Variants in DCLRE1C observed in about 807,000 individuals in gnomAD.
DCLRE1C encodes DNA cross-link repair 1C.
In DCLRE1C, 47 loss-of-function variants were observed where a neutral mutation model predicts 61.4. The ratio of observed to expected loss-of-function variants is 0.77; its 90% CI spans 0.61 to 0.98. DCLRE1C has a LOEUF of 0.98. Among genes scored for constraint, DCLRE1C ranks in the 50% least tolerant of loss-of-function variants. DCLRE1C has a pLI of 0.00. For synonymous variants in DCLRE1C, 337 were observed against 287.6 expected, an observed-to-expected ratio of 1.17 and a Z score of -1.74; for missense variants, 858 against 816.0, an observed-to-expected ratio of 1.05 and a Z score of -0.63.
chr10:14,899,180 G>A (rs532221182), exon 14 of DCLRE1C: 4 of 701,540 alleles, frequency 5.7e-6, no homozygotes, highest in South Asian at 4.4e-5. Context: ...CATTAGCTGG[G>A]CATGGCGGTA....
At chr10:14,930,519 G>A (rs1320111440) in intron 9 of DCLRE1C, among the ~76,000 whole-genome samples, 5 of 151,830 alleles carry the variant, frequency 3.3e-5, no homozygotes, top group African/African-American at 4.8e-5. Flanking sequence ...TGCAACCTCC[G>A]CCTCCTAGGT....
downstream of DCLRE1C, among the ~76,000 whole-genome samples, chr10:14,901,858 A>G (rs796540432): frequency 5.3e-5 from 8 of 152,182 alleles, no homozygotes; most frequent in African/African-American, 1.9e-4. Context: ...TACATTTTTG[A>G]ATTTTTACTG....
intron 9 of DCLRE1C, among the ~76,000 whole-genome samples, chr10:14,931,999 A>T (rs1839080556): frequency 6.6e-6 from 1 of 152,192 alleles, no homozygotes; most frequent in African/African-American, 2.4e-5. Context: ...GCCCCACTGC[A>T]CTCCAACCTG....
At position 14,934,781 on chromosome 10, in the gene DCLRE1C, A is replaced by T; in HGVS notation, c.465-6T>A. 6.2e-7 allele frequency: 1 copy of T among 1,608,586 alleles called. No individual in the cohort carries two copies. The highest frequency in any genetic ancestry group is 8.5e-7 in the Non-Finnish European group (1 of 1,174,952). ...CACTTTGGATGTCTTTGACTCTGAA[A>T]AGAAAAAAAATTGATGTTAGCCATC... On this transcript the variant is annotated splice_region_variant and splice_polypyrimidine_tract_variant and intron_variant, in intron 6 of 13. Coordinates refer to ENST00000378278, the MANE Select transcript of DCLRE1C (RefSeq NM_001033855.3).
intron 3 of DCLRE1C, among the ~76,000 whole-genome samples, chr10:14,944,673 C>CTTTTTTTTTTT: frequency 8.5e-6 from 1 of 117,724 alleles, no homozygotes; most frequent in Non-Finnish European, 1.8e-5. Context: ...TTTTTTTTTT[C>CTTTTTTTTTTT]TTTTTTTTTT....
intron 9 of DCLRE1C, among the ~76,000 whole-genome samples, chr10:14,930,795 T>C (rs905858927): frequency 4.6e-5 from 7 of 152,180 alleles, no homozygotes; most frequent in Non-Finnish European, 8.8e-5. Context: ...TCTGTATATG[T>C]GAATATATAT....
chr10:14,943,074 C>T (rs1322273538), intron 3 of DCLRE1C, among the ~76,000 whole-genome samples: 1 of 152,100 alleles, frequency 6.6e-6, no homozygotes, highest in Non-Finnish European at 1.5e-5. Flanking sequence ...TTGCGGTGAG[C>T]TGAGATCACG....
At chr10:14,897,413 C>A (rs779970656) in exon 14 of DCLRE1C, 1 of 1,613,400 alleles carries the variant, frequency 6.2e-7, no homozygotes, top group South Asian at 1.1e-5. Flanking sequence ...AAAAGGCACA[C>A]AGTATTCGCT....
At chr10:14,939,650 T>G (rs909030520) in intron 4 of DCLRE1C, among the ~76,000 whole-genome samples, 160 bp downstream of exon 4, 1 of 152,158 alleles carries the variant, frequency 6.6e-6, no homozygotes, top group Admixed American at 6.6e-5. Flanking sequence ...ACTCAATGAC[T>G]AGATTTTTAT....
At chr10:14,918,635 A>C (rs1836599712) in intron 13 of DCLRE1C, among the ~76,000 whole-genome samples, 1 of 152,004 alleles carries the variant, frequency 6.6e-6, no homozygotes, top group African/African-American at 2.4e-5. Flanking sequence ...TTTTTAAAAA[A>C]AAAAAAAAAG....
intron 10 of DCLRE1C, among the ~76,000 whole-genome samples, chr10:14,927,132 A>G (rs1045251904): frequency 2.7e-4 from 41 of 152,320 alleles, no homozygotes; most frequent in African/African-American, 9.4e-4. Context: ...CTATAATCCC[A>G]GCACTATGGG....
intron 9 of DCLRE1C, among the ~76,000 whole-genome samples, chr10:14,932,053 T>C (rs1348874940): frequency 1.3e-5 from 2 of 148,608 alleles, no homozygotes; most frequent in African/African-American, 5.0e-5. Context: ...AAATAATAAA[T>C]AAATCAATAA....
At chr10:14,927,237 G>A (rs1838164505) in intron 10 of DCLRE1C, among the ~76,000 whole-genome samples, 1 of 152,020 alleles carries the variant, frequency 6.6e-6, no homozygotes, top group South Asian at 2.1e-4. Flanking sequence ...CAAAAAGTTA[G>A]CTCGGCATGG....
chr10:14,952,587 T>G (rs539989956), intron 1 of DCLRE1C, among the ~76,000 whole-genome samples: 65 of 151,902 alleles, frequency 4.3e-4, no homozygotes, highest in Non-Finnish European at 7.4e-4. Flanking sequence ...CACCTCAAAA[T>G]AATAATAAAA....
chr10:14,948,770 T>TATATATATATATATATATATATATATA lies in DCLRE1C; in HGVS notation c.161+265_161+266insTATATATATATATATATATATATATAT, dbSNP rs1554800030. Among the ~76,000 whole-genome samples, 147 of 143,644 alleles carry TATATATATATATATATATATATATATA rather than the reference T, an allele frequency of 1.0e-3. 1 individual carries two copies. Among genetic ancestry groups the TATATATATATATATATATATATATATA allele is most frequent in the African/African-American group, 3.6e-3 (140 of 38,444 alleles). The allele number at this position is 143,644 out of a possible 152,430, so 94.2% of individuals were successfully genotyped here. Reference sequence around the variant, plus strand: ...TTTTTAGAGAGTGTATTTGGTAGGATTATATATATATATATATATATCAAG... The same window carrying TATATATATATATATATATATATATATA: ...TTTTTAGAGAGTGTATTTGGTAGGATATATATATATATATATATATATATATATATATATATATATATATATATCAAG... On this transcript the variant is annotated intron_variant, in intron 2 of 13. Transcript: ENST00000378278.
At chr10:14,920,638 A>C (rs1409417169) in intron 12 of DCLRE1C, among the ~76,000 whole-genome samples, 1 of 152,092 alleles carries the variant, frequency 6.6e-6, no homozygotes, top group African/African-American at 2.4e-5. Flanking sequence ...TAACTTTTCA[A>C]AGTAAGGTTG....
intron 13 of DCLRE1C, chr10:14,899,517 A>G: frequency 6.2e-7 from 1 of 1,612,900 alleles, no homozygotes; most frequent in Non-Finnish European, 8.5e-7. Context: ...TACGTAATAT[A>G]CTTACAGTTT....
At chr10:14,927,002 A>C in intron 10 of DCLRE1C, 105 bp from the exon 11 acceptor site, 5 of 868,282 alleles carry the variant, frequency 5.8e-6, no homozygotes, top group Non-Finnish European at 7.6e-6. Context: ...AACCACTCTA[A>C]TGGGCTCGCT....
At chr10:14,935,106 G>C (rs1839685622) in intron 6 of DCLRE1C, among the ~76,000 whole-genome samples, 2 of 151,792 alleles carry the variant, frequency 1.3e-5, no homozygotes, top group Non-Finnish European at 2.9e-5. Context: ...TTACAGGCCA[G>C]AACTCCCAAA....
Sources: gnomAD v4.1 joint callset for allele counts (sites outside exome capture counted in the v4.1 genomes callset) on GRCh38, gnomAD v4.1.1 for gene constraint, MANE v1.5 for transcripts, NCBI Gene and HGNC (gene_info 2026-07-23, HGNC 2026-07-21) for gene names.